The following ITGA9 variants were observed in gnomAD, a reference collection of about 807,000 sequenced individuals.
The protein encoded by ITGA9 is integrin alpha-9.
A neutral mutation model predicts 127.8 loss-of-function variants in ITGA9; 56 were observed. That is an observed-to-expected ratio of 0.44 (90% CI 0.35 to 0.55). The LOEUF (loss-of-function observed/expected upper bound fraction) is 0.55. Ranked by LOEUF, ITGA9 falls within the 20% of genes least tolerant of loss-of-function variation. The pLI, the probability that ITGA9 is intolerant of heterozygous loss-of-function variation, is 0.00. For missense variants in ITGA9, 1,196 were observed against 1,347.1 expected (o/e 0.89, Z 1.76); for synonymous variants, 508 against 514.5 (o/e 0.99, Z 0.17).
chr3:37,607,861 C>G (rs1699982681), intron 15 of ITGA9, among the ~76,000 whole-genome samples: 1 of 152,178 alleles, frequency 6.6e-6, no homozygotes. Flanking sequence ...TGTGGTCCTG[C>G]AAAAGGACCG....
chr3:37,616,702 C>G (rs1019938754), intron 15 of ITGA9, among the ~76,000 whole-genome samples: 16 of 152,106 alleles, frequency 1.1e-4, no homozygotes, highest in Non-Finnish European at 2.2e-4. Context: ...TGAATTGATC[C>G]CTTTACCATT....
At chr3:37,503,452 C>A in intron 6 of ITGA9, 145 bp downstream of exon 6, 1 of 849,438 alleles carries the variant, frequency 1.2e-6, no homozygotes, top group South Asian at 1.5e-5. Flanking sequence ...TTAGCCAGGG[C>A]ATCTTCACAT....
chr3:37,745,181 G>T (rs1013488200), intron 22 of ITGA9, among the ~76,000 whole-genome samples: 1 of 152,208 alleles, frequency 6.6e-6, no homozygotes, highest in African/African-American at 2.4e-5. Context: ...AGAGAATGTG[G>T]CAGTAAAACA....
intron 15 of ITGA9, among the ~76,000 whole-genome samples, chr3:37,609,520 A>G (rs891562402): frequency 6.6e-6 from 1 of 152,192 alleles, no homozygotes; most frequent in African/African-American, 2.4e-5. Context: ...AAGATTTATC[A>G]AGGAATGACA....
intron 18 of ITGA9, among the ~76,000 whole-genome samples, chr3:37,694,987 A>AC (rs1700869384): frequency 6.6e-6 from 1 of 152,168 alleles, no homozygotes; most frequent in Non-Finnish European, 1.5e-5. Context: ...GAGTGGAGAG[A>AC]CGCAGGACAG....
At chr3:37,454,693 C>A (rs762157058) in intron 1 of ITGA9, among the ~76,000 whole-genome samples, 2 of 152,158 alleles carry the variant, frequency 1.3e-5, no homozygotes, top group Non-Finnish European at 2.9e-5. Flanking sequence ...CTTTTTCCTC[C>A]CTCACCCACC....
chr3:37,657,160 G>T (rs868097926), intron 17 of ITGA9, among the ~76,000 whole-genome samples: 2 of 151,962 alleles, frequency 1.3e-5, no homozygotes, highest in Admixed American at 1.3e-4. Context: ...TTCCTTTTTC[G>T]TTGTGTCTCT....
At chr3:37,488,158 C>T (rs1350766843) in intron 4 of ITGA9, among the ~76,000 whole-genome samples, 2 of 152,156 alleles carry the variant, frequency 1.3e-5, no homozygotes, top group Non-Finnish European at 2.9e-5. Flanking sequence ...GTTGCCCAGG[C>T]TGGCCTCGAA....
chr3:37,556,908 GCC>G, intron 15 of ITGA9, among the ~76,000 whole-genome samples: 2 of 152,318 alleles, frequency 1.3e-5, no homozygotes, highest in South Asian at 4.1e-4. Flanking sequence ...CAGCTCGCCA[GCC>G]CACGCTGATG....
intron 15 of ITGA9, among the ~76,000 whole-genome samples, chr3:37,595,242 A>AGT (rs1330825577): frequency 1.3e-5 from 2 of 152,012 alleles, no homozygotes; most frequent in African/African-American, 2.4e-5. Context: ...GTAGCTGGGC[A>AGT]GTGTCAGCAG....
At chr3:37,621,739 C>T (rs1700130681) in intron 15 of ITGA9, among the ~76,000 whole-genome samples, 1 of 152,196 alleles carries the variant, frequency 6.6e-6, no homozygotes, top group Non-Finnish European at 1.5e-5. Flanking sequence ...TTTGACCCTC[C>T]TGAGCACTGA....
At chr3:37,628,703 T>A (rs1302806449) in intron 15 of ITGA9, among the ~76,000 whole-genome samples, 1 of 152,148 alleles carries the variant, frequency 6.6e-6, no homozygotes, top group Non-Finnish European at 1.5e-5. Flanking sequence ...CAGAATTTCA[T>A]CCTTGCCTCC....
chr3:37,736,961 A>C lies in ITGA9; in HGVS notation c.2212A>C (p.Ser738Arg), dbSNP rs556411347. ...CCTGTCTGGGGAAGAGGAAGTTCTC[A>C]GCTTCATTGTTACTGCTCAGAGGTA... is the stretch of plus-strand genomic sequence containing the variant. The part of the protein sequence containing the change: ...SHLSGEEEVL[S>R]FIVTAQSGNT... The change falls in exon 20 of 28, where the codon AGC becomes CGC. Residue 738 changes from serine (S) to arginine (R), a missense_variant. By Grantham distance (110) the Ser-to-Arg change is moderately radical. Transcript: ENST00000264741. 6.2e-7 allele frequency: 1 copy of C among 1,612,322 alleles called. No individual in the cohort carries two copies. Among genetic ancestry groups the C allele is most frequent in the East Asian group, 2.2e-5 (1 of 44,870 alleles).
intron 23 of ITGA9, among the ~76,000 whole-genome samples, chr3:37,772,662 A>G (rs1414326012): frequency 1.3e-5 from 2 of 152,150 alleles, no homozygotes; most frequent in Admixed American, 6.5e-5. Context: ...TGTGACTGCA[A>G]TAGGATTAGC....
rs1322768092 is a variant in ITGA9, at chr3:37,629,312, A to T, written c.1815A>T (p.Gly605=). 1.9e-6 allele frequency: 3 copies of T among 1,614,118 alleles called. No individual in the cohort carries two copies. The highest frequency in any genetic ancestry group is 2.5e-6 in the Non-Finnish European group (3 of 1,180,012). Residue 605 remains glycine (G), a synonymous_variant, in exon 16 of 28, where the codon GGA becomes GGT. Transcript: ENST00000264741. This position sits in a 1 kb window ranked among gnomAD's most constrained non-coding sequence, Gnocchi z 4.5. ...PLTPVLRWKK[G]QKIAQKNQTV... ...CACCAGTTCTCCGCTGGAAAAAGGGACAAAAGATTGCCCAAAAGAATCAGG... is the reference window on the plus strand; with the variant it reads ...CACCAGTTCTCCGCTGGAAAAAGGGTCAAAAGATTGCCCAAAAGAATCAGG...
chr3:37,492,994 C>A (rs542035026), intron 4 of ITGA9, among the ~76,000 whole-genome samples: 71 of 152,322 alleles, frequency 4.7e-4, no homozygotes, highest in African/African-American at 1.7e-3. Context: ...CAAGATTCTG[C>A]AGGGAACAAA....
chr3:37,703,770 G>A (rs1700973545), intron 18 of ITGA9, among the ~76,000 whole-genome samples: 1 of 152,204 alleles, frequency 6.6e-6, no homozygotes, highest in Non-Finnish European at 1.5e-5. Context: ...TGTGCCAGAG[G>A]CTGCTCAACA....
chr3:37,483,183 G>T (rs1035442081), intron 4 of ITGA9, among the ~76,000 whole-genome samples: 2 of 152,168 alleles, frequency 1.3e-5, no homozygotes, highest in Admixed American at 6.5e-5. Context: ...AAGATGACAT[G>T]TTGTGACAGG....
At chr3:37,732,068 T>C (rs981050535) in intron 18 of ITGA9, among the ~76,000 whole-genome samples, 7 of 152,180 alleles carry the variant, frequency 4.6e-5, no homozygotes, top group African/African-American at 1.7e-4. Flanking sequence ...TTGGCTTTCC[T>C]TTGACCTTGG....
Sources: allele counts gnomAD v4.1 joint callset (sites outside exome capture counted in the v4.1 genomes callset), GRCh38; gene constraint gnomAD v4.1.1; non-coding constraint Gnocchi (gnomAD v3.1); transcripts MANE v1.5; gene names NCBI Gene and HGNC (gene_info 2026-07-23, HGNC 2026-07-21).